Variants in RC3H2 observed in about 807,000 individuals in gnomAD.
RC3H2 encodes the protein ring finger and CCCH-type domains 2, also known as roquin-2.
A neutral mutation model predicts 133.3 loss-of-function variants in RC3H2; 31 were observed. The ratio of observed to expected loss-of-function variants is 0.23; its 90% CI spans 0.17 to 0.31. RC3H2 has a LOEUF of 0.31. Among genes scored for constraint, RC3H2 ranks in the 10% least tolerant of loss-of-function variants. The pLI is 1.00. For missense variants in RC3H2, 1,175 were observed against 1,437.2 expected, an observed-to-expected ratio of 0.82 and a Z score of 2.95; for synonymous variants, 517 against 502.2, an observed-to-expected ratio of 1.03 and a Z score of -0.40.
At chr9:122,883,149 AG>A in intron 5 of RC3H2, 54 bp downstream of exon 5, 1 of 1,513,272 alleles carries the variant, frequency 6.6e-7, no homozygotes, top group African/African-American at 1.4e-5. Flanking sequence ...CATGAATTTC[AG>A]GAAGTCTCTG....
chr9:122,883,402 A>C (rs750126798), intron 4 of RC3H2, 23 bp from the exon 5 acceptor site: 63 of 1,565,464 alleles, frequency 4.0e-5, no homozygotes, highest in Non-Finnish European at 4.7e-5. Context: ...AAGGAACATG[A>C]GTTCATGACA....
Position 122,890,472 on chromosome 9 carries a change from T to C in RC3H2, c.423A>G (p.Gln141=). ...TTACACGACCTTCTTCCTCCACCAG[T>C]TGACAGTTTACAAGTGTCACCAGTT... ...QRKLVTLVNC[Q]LVEEEGRVRA... is the part of the protein sequence containing the mutation. Residue 141 remains glutamine (Q), a synonymous_variant, in exon 4 of 21, where the codon CAA becomes CAG. Coordinates refer to ENST00000357244, the MANE Select transcript of RC3H2 (RefSeq NM_001100588.3). The C allele has an allele frequency of 5.0e-6, 8 of 1,614,204 alleles. No individual in the cohort carries two copies. Among genetic ancestry groups the C allele is most frequent in the South Asian group, 1.1e-5 (1 of 91,084 alleles).
At position 122,905,287 on chromosome 9, in the gene RC3H2, G is replaced by GCCTCCT. The variant is rs376103984; in HGVS notation, c.-251_-246dup. 44 of 985,662 alleles carry GCCTCCT rather than the reference G, an allele frequency of 4.5e-5. No homozygotes were observed. Among genetic ancestry groups the GCCTCCT allele is most frequent in the African/African-American group, 3.0e-4 (17 of 57,224 alleles). 61.1% of individuals were successfully genotyped at this position (985,662 alleles called of 1,614,324 possible). ...TGGCGGCGGCGAAGGCCGCGACGGG[G>GCCTCCT]CCTCCTCCTCCTCCCTCCACCTCCG... On this transcript the variant is annotated 5_prime_UTR_variant, in exon 1 of 21. Transcript: ENST00000357244.
rs1419966034 is a variant in RC3H2 at position 122,858,676 on chromosome 9, A to G, written c.2276T>C (p.Leu759Ser). ...AGTAGCATCTTCACTTACCCTTGGT[A>G]AAGGCACAGTTGTCCTTGGCTCACT... ...PPSEPRTTVP[L>S]PREPCGHLKT... The change falls in exon 12 of 21, where the codon TTA becomes TCA. Residue 759 changes from leucine to serine, a missense_variant. Physicochemically the swap from Leu to Ser is moderately radical, Grantham distance 145. This residue lies in a region of RC3H2 where 490 missense variants were observed against 492.8 expected (regional missense o/e 0.99). Coordinates refer to ENST00000357244, the MANE Select transcript of RC3H2 (RefSeq NM_001100588.3). The G allele has an allele frequency of 2.5e-6, 4 of 1,607,290 alleles. No individual in the cohort carries two copies. Among genetic ancestry groups the G allele is most frequent in the Non-Finnish European group, 3.4e-6 (4 of 1,178,222 alleles).
At chr9:122,893,964 TA>T (rs1196122898) in intron 2 of RC3H2, among the ~76,000 whole-genome samples, 3 of 152,060 alleles carry the variant, frequency 2.0e-5, no homozygotes, top group African/African-American at 7.2e-5. Flanking sequence ...AGTGCCGCTA[TA>T]AAAGTTCAAT....
rs12981 is a variant in RC3H2, at chr9:122,844,732, T to G, written c.*4895A>C. The G allele has an allele frequency of 6.6e-6, 1 of 152,010 alleles. No individual in the cohort carries two copies. The highest frequency in any genetic ancestry group is 1.9e-4 in the East Asian group (1 of 5,182). 9.4% of individuals were successfully genotyped at this position (152,010 alleles called of 1,614,324 possible). A position where few individuals can be genotyped will look rare whatever the true frequency, so the allele number is the denominator to read the frequency against. ...GCAAAAACACACAGAATTCACTCTT[T>G]GCTATTCACTATCATCACAACCCTC... On this transcript the variant is annotated 3_prime_UTR_variant, in exon 21 of 21. Coordinates refer to ENST00000357244, the MANE Select transcript of RC3H2 (RefSeq NM_001100588.3).
chr9:122,905,352 G>T lies in RC3H2; in HGVS notation c.-310C>A. 1.1e-6 allele frequency: 1 copy of T among 939,038 alleles called. No homozygotes were observed. The highest frequency in any genetic ancestry group is 1.3e-6 in the Non-Finnish European group (1 of 787,500). The allele number at this position is 939,038 out of a possible 1,614,324, so 58.2% of individuals were successfully genotyped here. ...TCCTCCTCACCACGGAGGCGGACCT[G>T]GAGGGATCCCGATCTAGCTCTCGCG... is the stretch of plus-strand genomic sequence containing the variant. On this transcript the variant is annotated 5_prime_UTR_variant, in exon 1 of 21. Coordinates refer to ENST00000357244, the MANE Select transcript of RC3H2 (RefSeq NM_001100588.3).
At chr9:122,894,596 G>A (rs1832339599) in intron 2 of RC3H2, among the ~76,000 whole-genome samples, 1 of 152,030 alleles carries the variant, frequency 6.6e-6, no homozygotes, top group Non-Finnish European at 1.5e-5. Flanking sequence ...CATGAAGAGA[G>A]AGGCTGGGCA....
In RC3H2 at chr9:122,855,882, G is replaced by T. The variant is rs1459764091; in HGVS notation, c.2455-4C>A. The T allele has an allele frequency of 6.3e-7, 1 of 1,590,304 alleles. No homozygotes were observed. The highest frequency in any genetic ancestry group is 2.2e-5 in the East Asian group (1 of 44,690). On this transcript the variant is annotated splice_region_variant and splice_polypyrimidine_tract_variant and intron_variant, in intron 13 of 20. Transcript: ENST00000357244. ...TACCACTCACACTCTCTGAGAACTGGTTAAAAAAAAATAAATAAAGCCAAT... is the reference window on the plus strand; with the variant it reads ...TACCACTCACACTCTCTGAGAACTGTTTAAAAAAAAATAAATAAAGCCAAT...
At chr9:122,882,971 T>G (rs1831717673) in intron 5 of RC3H2, among the ~76,000 whole-genome samples, 1 of 152,242 alleles carries the variant, frequency 6.6e-6, no homozygotes, top group African/African-American at 2.4e-5. Context: ...AATGATTTCC[T>G]TATGTTCTTT....
At chr9:122,883,865 G>A (rs964536622) in intron 4 of RC3H2, among the ~76,000 whole-genome samples, 6 of 152,060 alleles carry the variant, frequency 3.9e-5, no homozygotes, top group African/African-American at 4.8e-5. Flanking sequence ...ATGGTGGCAC[G>A]TGCCTGTGGT....
intron 8 of RC3H2, 98 bp from the exon 9 acceptor site, chr9:122,877,681 CT>C: frequency 1.2e-6 from 1 of 839,002 alleles, no homozygotes; most frequent in Non-Finnish European, 2.0e-6. Context: ...ACCTTTAATT[CT>C]TTTTCACATT....
intron 5 of RC3H2, among the ~76,000 whole-genome samples, chr9:122,882,174 G>A (rs1380320377): frequency 6.6e-6 from 1 of 152,124 alleles, no homozygotes; most frequent in Non-Finnish European, 1.5e-5. Context: ...TTCTACTTAA[G>A]TAGTAAAAAA....
chr9:122,889,767 A>C (rs1832079568), intron 4 of RC3H2, among the ~76,000 whole-genome samples: 1 of 152,180 alleles, frequency 6.6e-6, no homozygotes, highest in South Asian at 2.1e-4. Context: ...GCCTATCTTG[A>C]TGGCAATTGA....
At chr9:122,851,830 G>A (rs1328424088) in intron 18 of RC3H2, among the ~76,000 whole-genome samples, 9 of 152,220 alleles carry the variant, frequency 5.9e-5, no homozygotes, top group African/African-American at 9.6e-5. Flanking sequence ...GTGCAGTGGC[G>A]TGATCTCGGC....
chr9:122,905,118 G>A lies in RC3H2; in HGVS notation c.-76C>T, dbSNP rs2131521252. The A allele has an allele frequency of 3.0e-6, 3 of 985,400 alleles. No homozygotes were observed. Among genetic ancestry groups the A allele is most frequent in the Non-Finnish European group, 3.6e-6 (3 of 829,912 alleles). The allele number at this position is 985,400 out of a possible 1,614,324, so 61.0% of individuals were successfully genotyped here. ...GCCCGCCCCCGCCCTACCTGAGGGG[G>A]CCCGGGCGGGGTCGCTAAGGGCCGC... On this transcript the variant is annotated 5_prime_UTR_variant, in exon 1 of 21. Coordinates refer to ENST00000357244, the MANE Select transcript of RC3H2 (RefSeq NM_001100588.3).
intron 18 of RC3H2, among the ~76,000 whole-genome samples, chr9:122,851,811 C>T (rs1830034072): frequency 6.6e-6 from 1 of 152,254 alleles, no homozygotes; most frequent in Non-Finnish European, 1.5e-5. Flanking sequence ...CAATGGCGCC[C>T]AGGCTGGAGT....
chr9:122,852,404 G>A (rs1830072602), intron 18 of RC3H2, among the ~76,000 whole-genome samples: 1 of 150,658 alleles, frequency 6.6e-6, no homozygotes, highest in African/African-American at 2.4e-5. Context: ...CGGGAGGGAG[G>A]TGGGGGGGTC....
chr9:122,865,210 A>T, intron 10 of RC3H2, 139 bp downstream of exon 10: 2 of 778,690 alleles, frequency 2.6e-6, no homozygotes, highest in Non-Finnish European at 4.0e-6. Flanking sequence ...ATTTTTTAGT[A>T]TTTAGTGTTT....
Sources: gnomAD v4.1 joint callset for allele counts (sites outside exome capture counted in the v4.1 genomes callset) on GRCh38, gnomAD v4.1.1 for gene constraint, gnomAD v4.1.1 regional missense constraint, MANE v1.5 for transcripts, NCBI Gene and HGNC (gene_info 2026-07-23, HGNC 2026-07-21) for gene names.